The following CCDC85A variants were observed in gnomAD, a reference collection of about 807,000 sequenced individuals.
The protein encoded by CCDC85A is coiled-coil domain containing 85A.
A neutral mutation model predicts 50.2 loss-of-function variants in CCDC85A; 38 were observed. The observed-to-expected ratio is 0.76, with a 90% CI of 0.58 to 0.99. The LOEUF is 0.99. Among genes scored for constraint, CCDC85A ranks in the 50% least tolerant of loss-of-function variants. CCDC85A has a pLI of 0.00. For missense variants in CCDC85A, 820 were observed against 742.0 expected, an observed-to-expected ratio of 1.11 and a Z score of -1.22; for synonymous variants, 366 against 301.4, an observed-to-expected ratio of 1.21 and a Z score of -2.22.
chr2:56,297,551 T>A (rs1186243175), intron 2 of CCDC85A, among the ~76,000 whole-genome samples: 1 of 152,180 alleles, frequency 6.6e-6, no homozygotes, highest in Non-Finnish European at 1.5e-5. Flanking sequence ...GACTGAATGA[T>A]GCTGTATTTC....
chr2:56,187,168 G>T (rs1043408485), intron 1 of CCDC85A, among the ~76,000 whole-genome samples: 3 of 152,094 alleles, frequency 2.0e-5, no homozygotes, highest in Non-Finnish European at 4.4e-5. Context: ...TATTTATTTT[G>T]GCTTAACTGG....
intron 5 of CCDC85A, among the ~76,000 whole-genome samples, chr2:56,378,387 TATTA>T (rs1023437993): frequency 1.3e-5 from 2 of 152,224 alleles, no homozygotes; most frequent in Admixed American, 1.3e-4. Context: ...TTATGATAAC[TATTA>T]ATTGGAGCTT....
At chr2:56,319,527 A>C (rs1157666654) in intron 2 of CCDC85A, among the ~76,000 whole-genome samples, 3 of 152,098 alleles carry the variant, frequency 2.0e-5, no homozygotes, top group African/African-American at 7.2e-5. Context: ...AATGTTTCGC[A>C]CTCTTTTTCG....
intron 2 of CCDC85A, among the ~76,000 whole-genome samples, chr2:56,199,205 G>T (rs561427451): frequency 6.6e-6 from 1 of 152,156 alleles, no homozygotes; most frequent in African/African-American, 2.4e-5. Flanking sequence ...AGGGTCAAAT[G>T]AATCAGACAC....
At chr2:56,255,899 T>C (rs552904216) in intron 2 of CCDC85A, among the ~76,000 whole-genome samples, 1 of 152,228 alleles carries the variant, frequency 6.6e-6, no homozygotes, top group Non-Finnish European at 1.5e-5. Context: ...AGGGTTAACA[T>C]TGGTAACAAG....
At chr2:56,269,041 A>G (rs1050228166) in intron 2 of CCDC85A, among the ~76,000 whole-genome samples, 5 of 152,138 alleles carry the variant, frequency 3.3e-5, no homozygotes, top group African/African-American at 1.2e-4. Context: ...TTGGCTCTGA[A>G]TACTTATTTC....
At chr2:56,255,750 T>G (rs568629249) in intron 2 of CCDC85A, among the ~76,000 whole-genome samples, 1 of 151,942 alleles carries the variant, frequency 6.6e-6, no homozygotes, top group Non-Finnish European at 1.5e-5. Flanking sequence ...TGGGTTGGGG[T>G]TTTTGTTGTT....
intron 2 of CCDC85A, among the ~76,000 whole-genome samples, chr2:56,212,091 T>G (rs973194118): frequency 6.6e-6 from 1 of 152,022 alleles, no homozygotes; most frequent in African/African-American, 2.4e-5. Flanking sequence ...ACACCCCAAG[T>G]TGGTCTGGTC....
intron 2 of CCDC85A, among the ~76,000 whole-genome samples, chr2:56,211,635 G>A (rs538515962): frequency 2.6e-5 from 4 of 151,850 alleles, no homozygotes; most frequent in Non-Finnish European, 5.9e-5. Flanking sequence ...TTGGGAGAAG[G>A]CATCACAATT....
At chr2:56,383,719 C>T in intron 5 of CCDC85A, 1 of 985,056 alleles carries the variant, frequency 1.0e-6, no homozygotes, top group Non-Finnish European at 1.2e-6. Flanking sequence ...CCTAAGACTA[C>T]CACCTCAGGA....
chr2:56,245,396 C>T (rs1573091596), intron 2 of CCDC85A, among the ~76,000 whole-genome samples: 1 of 152,254 alleles, frequency 6.6e-6, no homozygotes, highest in African/African-American at 2.4e-5. Flanking sequence ...AGATTCCCTC[C>T]TCATGCCACA....
At chr2:56,278,219 C>G (rs1276206393) in intron 2 of CCDC85A, among the ~76,000 whole-genome samples, 1 of 152,104 alleles carries the variant, frequency 6.6e-6, no homozygotes, top group East Asian at 1.9e-4. Context: ...TCACTCTCCT[C>G]CCCTTTTTAA....
chr2:56,296,308 C>T (rs1048336038), intron 2 of CCDC85A, among the ~76,000 whole-genome samples: 1 of 152,166 alleles, frequency 6.6e-6, no homozygotes, highest in Non-Finnish European at 1.5e-5. Flanking sequence ...TTTTGCCCTA[C>T]TGTGCCAGGA....
chr2:56,326,316 G>A (rs1039111386), intron 2 of CCDC85A, among the ~76,000 whole-genome samples: 2 of 152,096 alleles, frequency 1.3e-5, no homozygotes, highest in Non-Finnish European at 2.9e-5. Context: ...TGTAAAAAAT[G>A]CATGTGCTTT....
intron 2 of CCDC85A, among the ~76,000 whole-genome samples, chr2:56,217,166 T>C (rs1668092711): frequency 6.6e-6 from 1 of 151,922 alleles, no homozygotes. Flanking sequence ...ATCTCTCCCA[T>C]GATATTCTGT....
intron 2 of CCDC85A, among the ~76,000 whole-genome samples, chr2:56,306,501 A>G (rs560465241): frequency 2.0e-5 from 3 of 152,304 alleles, no homozygotes; most frequent in Non-Finnish European, 4.4e-5. Flanking sequence ...ATTTTAACTC[A>G]CATTATATAA....
intron 2 of CCDC85A, among the ~76,000 whole-genome samples, chr2:56,266,872 G>A (rs1419838428): frequency 6.6e-6 from 1 of 152,058 alleles, no homozygotes; most frequent in Non-Finnish European, 1.5e-5. Flanking sequence ...AAATACGTTA[G>A]CAGTAAATTA....
chr2:56,305,724 T>C (rs1573218888), intron 2 of CCDC85A, among the ~76,000 whole-genome samples: 1 of 152,378 alleles, frequency 6.6e-6, no homozygotes, highest in Non-Finnish European at 1.5e-5. Context: ...TTGGGTTTAA[T>C]TGATTGGCTG....
At chr2:56,285,048 G>A (rs970522253) in intron 2 of CCDC85A, among the ~76,000 whole-genome samples, 2 of 151,368 alleles carry the variant, frequency 1.3e-5, no homozygotes, top group Admixed American at 6.6e-5. Context: ...TTTTCATCCA[G>A]TCTGGCAGTG....
Sources: gnomAD v4.1 joint callset for allele counts (sites outside exome capture counted in the v4.1 genomes callset) on GRCh38, gnomAD v4.1.1 for gene constraint, MANE v1.5 for transcripts, NCBI Gene and HGNC (gene_info 2026-07-23, HGNC 2026-07-21) for gene names.